The following ZNF385D variants were observed in gnomAD, a reference collection of about 807,000 sequenced individuals.
The protein encoded by ZNF385D is zinc finger protein 659.
In ZNF385D, 15 loss-of-function variants were observed where a neutral mutation model predicts 35.8. The observed-to-expected ratio is 0.42, with a 90% CI of 0.28 to 0.64. The LOEUF (loss-of-function observed/expected upper bound fraction) is 0.64, where lower values mean the gene tolerates loss of function less well. Ranked by LOEUF, ZNF385D falls within the 30% of genes least tolerant of loss-of-function variation. The pLI, the probability that ZNF385D is intolerant of heterozygous loss-of-function variation, is 0.23. For synonymous variants in ZNF385D, 212 were observed against 186.8 expected (o/e 1.13, Z -1.10); for missense variants, 474 against 494.6 (o/e 0.96, Z 0.39).
At chr3:21,871,730 G>T (rs1220387914) in intron 3 of ZNF385D, among the ~76,000 whole-genome samples, 1 of 152,098 alleles carries the variant, frequency 6.6e-6, no homozygotes, top group Non-Finnish European at 1.5e-5. Flanking sequence ...TCCAGGCCGG[G>T]CGCAGTGGCT....
intron 3 of ZNF385D, among the ~76,000 whole-genome samples, chr3:21,973,440 T>C (rs4566559): frequency 0.14 from 20,726 of 151,936 alleles, 3,393 homozygotes; most frequent in African/African-American, 0.4. Flanking sequence ...AAGTCATATA[T>C]GACAGACTCA....
At chr3:22,121,992 T>C (rs1192146272) in intron 3 of ZNF385D, among the ~76,000 whole-genome samples, 2 of 151,870 alleles carry the variant, frequency 1.3e-5, no homozygotes, top group East Asian at 3.9e-4. Context: ...TCAAACTGGC[T>C]AGCTAACAAC....
chr3:22,027,288 C>G (rs1479870859), intron 3 of ZNF385D, among the ~76,000 whole-genome samples: 1 of 152,136 alleles, frequency 6.6e-6, no homozygotes, highest in African/African-American at 2.4e-5. Flanking sequence ...TACTGAGTGA[C>G]CTGAAAGACT....
At chr3:22,171,489 T>C (rs918402938) in intron 2 of ZNF385D, among the ~76,000 whole-genome samples, 1 of 152,074 alleles carries the variant, frequency 6.6e-6, no homozygotes, top group Non-Finnish European at 1.5e-5. Context: ...GTTGCAAAAA[T>C]GACAACTTTA....
intron 3 of ZNF385D, among the ~76,000 whole-genome samples, chr3:22,147,748 T>G (rs181057136): frequency 6.6e-6 from 1 of 152,134 alleles, no homozygotes; most frequent in African/African-American, 2.4e-5. Context: ...TTCTCCACAA[T>G]GAAAGAGTTA....
intron 4 of ZNF385D, among the ~76,000 whole-genome samples, chr3:21,457,346 CGTTGTTGTT>C (rs34762256): frequency 2.7e-5 from 4 of 150,622 alleles, no homozygotes; most frequent in Non-Finnish European, 5.9e-5. Context: ...TTGTTGTTGT[CGTTGTTGTT>C]GTTGTTGTTG....
chr3:21,489,740 T>C (rs1329954068), intron 4 of ZNF385D, among the ~76,000 whole-genome samples: 6 of 152,188 alleles, frequency 3.9e-5, no homozygotes, highest in Non-Finnish European at 8.8e-5. Context: ...GTGCTACAGG[T>C]TGCCCTTGAT....
At chr3:21,455,126 G>C (rs1355363708) in intron 4 of ZNF385D, among the ~76,000 whole-genome samples, 3 of 152,148 alleles carry the variant, frequency 2.0e-5, no homozygotes, top group Admixed American at 6.5e-5. Flanking sequence ...CTCATGGATA[G>C]GAAGAATCAA....
Position 21,416,877 on chromosome 3 carries a change from A to G in ZNF385D, c.*4337T>C, listed in dbSNP as rs1700570982. 6.6e-6 allele frequency: 1 copy of G among 152,118 alleles called. No individual in the cohort carries two copies. The highest frequency in any genetic ancestry group is 1.5e-5 in the Non-Finnish European group (1 of 68,006). 9.4% of individuals were successfully genotyped at this position (152,118 alleles called of 1,614,324 possible). ...CAAAAGAAATAAGGATGATGCATTT[A>G]AATTGTTGTTCCCTTCCACACCCCC... is the stretch of plus-strand genomic sequence containing the variant. On this transcript the variant is annotated 3_prime_UTR_variant, in exon 8 of 8. Coordinates refer to ENST00000281523, the MANE Select transcript of ZNF385D (RefSeq NM_024697.3).
chr3:22,227,490 G>A (rs148073625), intron 2 of ZNF385D, among the ~76,000 whole-genome samples: 1 of 152,082 alleles, frequency 6.6e-6, no homozygotes, highest in Non-Finnish European at 1.5e-5. Context: ...TGTGCTTTTC[G>A]TTTGATCACA....
Position 22,179,936 on chromosome 3 carries a change from CA to C in ZNF385D, c.107-10902del, listed in dbSNP as rs1245898431. Among the ~76,000 whole-genome samples, 219 of 152,210 alleles carry C rather than the reference CA, an allele frequency of 1.4e-3. 3 individuals are homozygous for C. The highest frequency in any genetic ancestry group is 3.9e-4 in the East Asian group (2 of 5,178). The stretch of plus-strand genomic sequence containing the variant: ...GCAGAAGGCAAGAAATAACAAAGAT[CA>C]GAGCAGAACTGAAGGAAACAGAGAC... On this transcript the variant is annotated intron_variant, in intron 2 of 5. Coordinates refer to the ZNF385D transcript ENST00000494108.
At chr3:21,915,148 G>A (rs1700135861) in intron 3 of ZNF385D, among the ~76,000 whole-genome samples, 1 of 151,712 alleles carries the variant, frequency 6.6e-6, no homozygotes, top group South Asian at 2.1e-4. Flanking sequence ...TTTCCTTACT[G>A]CTCAGAAACT....
intron 3 of ZNF385D, among the ~76,000 whole-genome samples, chr3:21,978,529 T>C (rs1202166109): frequency 6.6e-6 from 1 of 152,240 alleles, no homozygotes; most frequent in African/African-American, 2.4e-5. Context: ...CTAAATTGTC[T>C]CAGAGCTTAG....
intron 3 of ZNF385D, among the ~76,000 whole-genome samples, chr3:21,560,732 A>G (rs996872693): frequency 3.9e-5 from 6 of 152,172 alleles, no homozygotes; most frequent in Non-Finnish European, 7.3e-5. Context: ...ACATCTGCTG[A>G]AGCTGCGCCT....
rs116965600 is a variant in ZNF385D at position 21,580,205 on chromosome 3, G to C, written c.166-15521C>G. 9.5e-3 allele frequency among the ~76,000 whole-genome samples: 1,443 copies of C among 152,234 alleles called. 33 individuals carry two copies. Among genetic ancestry groups the C allele is most frequent in the East Asian group, 0.082 (426 of 5,176 alleles). On this transcript the variant is annotated intron_variant, in intron 2 of 7. Transcript: ENST00000281523. ...AAATGAATTACTGAGACTGTTTCTT[G>C]CCTGCCCCTGTTCTGGACGTGACCA...
At chr3:22,139,356 G>A (rs1704350887) in intron 3 of ZNF385D, among the ~76,000 whole-genome samples, 1 of 152,188 alleles carries the variant, frequency 6.6e-6, no homozygotes, top group Middle Eastern at 3.4e-3. Context: ...CAAAGACTTG[G>A]AACCAACCCA....
chr3:21,640,452 C>G (rs1406880648), intron 2 of ZNF385D, among the ~76,000 whole-genome samples: 1 of 152,076 alleles, frequency 6.6e-6, no homozygotes, highest in South Asian at 2.1e-4. Context: ...TGATGAAGCC[C>G]TAACTTCCAG....
intron 2 of ZNF385D, among the ~76,000 whole-genome samples, chr3:22,230,826 G>A (rs1362779298): frequency 4.6e-5 from 7 of 152,132 alleles, no homozygotes; most frequent in Admixed American, 2.0e-4. Flanking sequence ...ATTGTTGTCT[G>A]CTTGCAGTGC....
intron 3 of ZNF385D, among the ~76,000 whole-genome samples, chr3:21,965,196 G>T (rs936759875): frequency 6.6e-6 from 1 of 152,146 alleles, no homozygotes; most frequent in Non-Finnish European, 1.5e-5. Context: ...AATAGACTCT[G>T]ACCCTAAGTT....
Sources: allele counts gnomAD v4.1 joint callset (sites outside exome capture counted in the v4.1 genomes callset), GRCh38; gene constraint gnomAD v4.1.1; transcripts MANE v1.5; gene names NCBI Gene and HGNC (gene_info 2026-07-23, HGNC 2026-07-21).